Variants in KIF9 observed in about 807,000 individuals in gnomAD.
The protein encoded by KIF9 is kinesin-like protein KIF9.
Under a neutral mutation model 94.8 loss-of-function variants are expected in KIF9, and 68 were observed. That is an observed-to-expected ratio of 0.72 (90% CI 0.59 to 0.88). The LOEUF (loss-of-function observed/expected upper bound fraction) is 0.88, where lower values mean the gene tolerates loss of function less well. Ranked by LOEUF, KIF9 falls within the 40% of genes least tolerant of loss-of-function variation. The probability of loss-of-function intolerance (pLI) is 0.00; values close to 1 mark genes in which losing one functional copy is unlikely to be tolerated. For synonymous variants in KIF9, 343 were observed against 362.1 expected, an observed-to-expected ratio of 0.95 and a Z score of 0.60; for missense variants, 882 against 982.5, an observed-to-expected ratio of 0.90 and a Z score of 1.37.
At chr3:47,273,224 A>G (rs1216497597) in intron 4 of KIF9, among the ~76,000 whole-genome samples, 1 of 152,178 alleles carries the variant, frequency 6.6e-6, no homozygotes, top group Non-Finnish European at 1.5e-5. Context: ...AAAGAGAATG[A>G]TTAGGACCTC....
intron 1 of KIF9, among the ~76,000 whole-genome samples, chr3:47,279,649 C>G (rs954126981): frequency 3.3e-5 from 5 of 150,646 alleles, no homozygotes; most frequent in African/African-American, 4.9e-5. Flanking sequence ...CAGAGTCTCG[C>G]TCTATCACCC....
intron 4 of KIF9, 118 bp from the exon 5 acceptor site, chr3:47,271,579 A>G: frequency 1.4e-6 from 1 of 732,712 alleles, no homozygotes; most frequent in South Asian, 1.7e-5. Flanking sequence ...TATTGTCCTA[A>G]AGGAATTGGG....
At chr3:47,248,767 A>G (rs918392887) in intron 10 of KIF9, among the ~76,000 whole-genome samples, 1 of 151,926 alleles carries the variant, frequency 6.6e-6, no homozygotes, top group Non-Finnish European at 1.5e-5. Flanking sequence ...TTTTAGAGAA[A>G]GGCTCTTGCT....
chr3:47,242,235 T>C (rs567626483), intron 16 of KIF9, among the ~76,000 whole-genome samples: 1 of 152,328 alleles, frequency 6.6e-6, no homozygotes, highest in Admixed American at 6.5e-5. Context: ...TTTTACATCT[T>C]ACTTTTTTCA....
At chr3:47,268,246 A>T (rs1213475871) in intron 5 of KIF9, among the ~76,000 whole-genome samples, 1 of 152,168 alleles carries the variant, frequency 6.6e-6, no homozygotes, top group Non-Finnish European at 1.5e-5. Flanking sequence ...ACCAGAATAT[A>T]CTTAAAAAGG....
rs762389493 is a variant in KIF9, at chr3:47,244,778, C to T, written c.1514+13G>A. 27 of 1,613,236 alleles carry T rather than the reference C, an allele frequency of 1.7e-5. No homozygotes were observed. Among genetic ancestry groups the T allele is most frequent in the Non-Finnish European group, 2.3e-5 (27 of 1,179,822 alleles). On this transcript the variant is annotated intron_variant, in intron 15 of 20. Coordinates refer to ENST00000684063, the MANE Select transcript of KIF9 (RefSeq NM_182902.4). ...GCCAGCTGCTGAGGAGGCAGAGCGG[C>T]AAGGTCACTCACCTGAGTGGCTCTT...
chr3:47,277,711 A>G (rs1357166612), intron 1 of KIF9, among the ~76,000 whole-genome samples: 1 of 152,218 alleles, frequency 6.6e-6, no homozygotes, highest in African/African-American at 2.4e-5. Context: ...AACTAAGATG[A>G]TGAGTCCACT....
At chr3:47,261,475 C>T (rs1352105249) in intron 9 of KIF9, among the ~76,000 whole-genome samples, 5 of 152,088 alleles carry the variant, frequency 3.3e-5, no homozygotes, top group Admixed American at 6.6e-5. Flanking sequence ...TTGGCAGTGA[C>T]GAACAGCCAG....
rs1055184552 is a variant in KIF9 at position 47,228,051 on chromosome 3, C to G, written c.*601G>C. On this transcript the variant is annotated 3_prime_UTR_variant, in exon 21 of 21. Coordinates refer to ENST00000684063, the MANE Select transcript of KIF9 (RefSeq NM_182902.4). ...TACATGGAGCCAGCTCTGCCTCATC[C>G]CTTTCTGGTCTCTGTGGCTAGACCT... 12 of 152,502 alleles carry G rather than the reference C, an allele frequency of 7.9e-5. No homozygotes were observed. The highest frequency in any genetic ancestry group is 2.9e-4 in the African/African-American group (12 of 41,562). The allele number at this position is 152,502 out of a possible 1,614,324, so 9.4% of individuals were successfully genotyped here.
chr3:47,247,894 C>A (rs868284324), intron 11 of KIF9, 124 bp downstream of exon 11: 3 of 765,960 alleles, frequency 3.9e-6, no homozygotes, highest in Admixed American at 1.9e-5. Flanking sequence ...TGCCACTGAG[C>A]CTGCCCCCCA....
chr3:47,236,999 A>C (rs928317916), intron 17 of KIF9, among the ~76,000 whole-genome samples: 6 of 152,250 alleles, frequency 3.9e-5, no homozygotes, highest in Middle Eastern at 3.2e-3. Flanking sequence ...AACTGCCATC[A>C]CTGGCTAGTA....
At chr3:47,255,199 T>C (rs1197348439) in intron 10 of KIF9, among the ~76,000 whole-genome samples, 1 of 152,238 alleles carries the variant, frequency 6.6e-6, no homozygotes, top group Non-Finnish European at 1.5e-5. Context: ...GTTGCCAGAA[T>C]GCTCCCCAAA....
At chr3:47,261,166 G>T (rs978228165) in intron 9 of KIF9, among the ~76,000 whole-genome samples, 2 of 152,262 alleles carry the variant, frequency 1.3e-5, no homozygotes, top group African/African-American at 4.8e-5. Flanking sequence ...AAATGTGTGT[G>T]TGTGTGCTGA....
At position 47,282,678 on chromosome 3, in the gene KIF9, T is replaced by G; in HGVS notation, c.-189A>C. On this transcript the variant is annotated 5_prime_UTR_variant, in exon 1 of 21. Coordinates refer to ENST00000684063, the MANE Select transcript of KIF9 (RefSeq NM_182902.4). ...TCCTACGTCGAGGATACGGGTGAGG[T>G]CATGGCCGAATCGGGAAGACGAGAG... is the stretch of plus-strand genomic sequence containing the variant. The G allele has an allele frequency of 7.6e-7, 1 of 1,317,518 alleles. No homozygotes were observed. The highest frequency in any genetic ancestry group is 9.8e-7 in the Non-Finnish European group (1 of 1,024,236). 81.6% of individuals were successfully genotyped at this position (1,317,518 alleles called of 1,614,324 possible).
At position 47,282,718 on chromosome 3, in the gene KIF9, TC is replaced by T. The variant is rs1702477561; in HGVS notation, c.-230del. On this transcript the variant is annotated 5_prime_UTR_variant, in exon 1 of 21. It removes the in-frame stop codon of an upstream open reading frame in the 5' UTR. Transcript: ENST00000684063. ...GAAGACGAGAGATGGGGCCGATTGATCTAGAAAGACTTCGGCGGATGCACAT... is the reference window on the plus strand; with the variant it reads ...GAAGACGAGAGATGGGGCCGATTGATTAGAAAGACTTCGGCGGATGCACAT... The T allele has an allele frequency of 7.1e-7, 1 of 1,399,040 alleles. No individual in the cohort carries two copies. The highest frequency in any genetic ancestry group is 9.3e-7 in the Non-Finnish European group (1 of 1,076,460). The allele number at this position is 1,399,040 out of a possible 1,614,324, so 86.7% of individuals were successfully genotyped here. A position where few individuals can be genotyped will look rare whatever the true frequency, so the allele number is the denominator to read the frequency against.
intron 5 of KIF9, among the ~76,000 whole-genome samples, chr3:47,270,181 G>A (rs1026903131): frequency 1.3e-5 from 2 of 151,934 alleles, no homozygotes; most frequent in Non-Finnish European, 2.9e-5. Context: ...TGGGATTACA[G>A]GCATGAGCCA....
At chr3:47,270,975 CAAA>C (rs35244035) in intron 5 of KIF9, among the ~76,000 whole-genome samples, 2 of 90,968 alleles carry the variant, frequency 2.2e-5, no homozygotes, top group Admixed American at 1.3e-4. Context: ...CTTGTCTCTA[CAAA>C]AAAAAAAAAA....
Position 47,269,377 on chromosome 3 carries a change from G to A in KIF9, c.591+1860C>T, listed in dbSNP as rs986756529. Among the ~76,000 whole-genome samples the A allele has an allele frequency of 2.6e-5, 4 of 152,218 alleles. No homozygotes were observed. In the South Asian group the frequency reaches 8.3e-4, roughly 32 times the overall value. ...GCTTACTGAAACCTCTACCTGCTGGGCTCAAGTGATTCTCCCACCTCAGCT... is the reference window on the plus strand; with the variant it reads ...GCTTACTGAAACCTCTACCTGCTGGACTCAAGTGATTCTCCCACCTCAGCT... On this transcript the variant is annotated intron_variant, in intron 5 of 20. Coordinates refer to ENST00000684063, the MANE Select transcript of KIF9 (RefSeq NM_182902.4).
Position 47,282,533 on chromosome 3 carries a change from G to A in KIF9, c.-44C>T, listed in dbSNP as rs1702461828. The stretch of plus-strand genomic sequence containing the variant: ...GCGACGCTCCCGGGACGCGACTGCC[G>A]CAACCGAAACCACCTGCACTCCCCA... On this transcript the variant is annotated 5_prime_UTR_variant, in exon 1 of 21. Coordinates refer to ENST00000684063, the MANE Select transcript of KIF9 (RefSeq NM_182902.4). 1.0e-6 allele frequency: 1 copy of A among 997,690 alleles called. No individual in the cohort carries two copies. The highest frequency in any genetic ancestry group is 4.2e-5 in the South Asian group (1 of 23,756). 61.8% of individuals were successfully genotyped at this position (997,690 alleles called of 1,614,324 possible).
Sources: gnomAD v4.1 joint callset for allele counts (sites outside exome capture counted in the v4.1 genomes callset) on GRCh38, gnomAD v4.1.1 for gene constraint, MANE v1.5 for transcripts, NCBI Gene and HGNC (gene_info 2026-07-23, HGNC 2026-07-21) for gene names.